Variants in WWOX observed in about 807,000 individuals in gnomAD.
The protein encoded by WWOX is WW domain containing oxidoreductase, also known as WW domain-containing oxidoreductase.
In WWOX, 69 loss-of-function variants were observed where a neutral mutation model predicts 46.2. The observed-to-expected ratio is 1.49, with a 90% CI of 1.23 to 1.82. The LOEUF is 1.82. Ranked by LOEUF, WWOX falls within the 40% of genes most tolerant of loss-of-function variation. The pLI, the probability that WWOX is intolerant of heterozygous loss-of-function variation, is 0.00. For synonymous variants in WWOX, 359 were observed against 202.6 expected, an observed-to-expected ratio of 1.77 and a Z score of -6.56; for missense variants, 919 against 542.6, an observed-to-expected ratio of 1.69 and a Z score of -6.89.
At chr16:78,717,424 G>C (rs1000198115) in intron 8 of WWOX, among the ~76,000 whole-genome samples, 2 of 152,130 alleles carry the variant, frequency 1.3e-5, no homozygotes, top group African/African-American at 4.8e-5. Context: ...TCCTTATCTT[G>C]TTCATTGCTA....
At chr16:78,962,719 A>G (rs2046294291) in intron 8 of WWOX, among the ~76,000 whole-genome samples, 1 of 152,184 alleles carries the variant, frequency 6.6e-6, no homozygotes, top group African/African-American at 2.4e-5. Flanking sequence ...ATACTTATTT[A>G]TACAACTGTG....
chr16:78,604,759 CCCCCCTCCCT>C (rs1374928917), intron 8 of WWOX, among the ~76,000 whole-genome samples: 7 of 1,472 alleles, frequency 4.8e-3, no homozygotes, highest in Non-Finnish European at 5.9e-3. Context: ...CTCCCTCCTT[CCCCCCTCCCT>C]CCTTCCCCCC....
chr16:78,695,091 C>G (rs1005337329), intron 8 of WWOX, among the ~76,000 whole-genome samples: 3 of 152,292 alleles, frequency 2.0e-5, no homozygotes, highest in South Asian at 2.1e-4. Flanking sequence ...CTGCTACTTT[C>G]ATTTACCATG....
chr16:78,839,819 T>G (rs1348153582), intron 8 of WWOX, among the ~76,000 whole-genome samples: 1 of 152,194 alleles, frequency 6.6e-6, no homozygotes, highest in Non-Finnish European at 1.5e-5. Context: ...TAAAACCGTC[T>G]CATCATCGTC....
intron 8 of WWOX, among the ~76,000 whole-genome samples, chr16:79,066,268 C>T (rs2048439641): frequency 6.6e-6 from 1 of 152,174 alleles, no homozygotes; most frequent in Non-Finnish European, 1.5e-5. Context: ...TGGTTATCCT[C>T]AGTCATGAGG....
In WWOX at chr16:78,225,125, G is replaced by A. The variant is rs952265426; in HGVS notation, c.516+60836G>A. ...TGAAGATCATAGAGTGTATTTACAC[G>A]AGCCTAGATGGATAGCCTACTACAC... On this transcript the variant is annotated intron_variant, in intron 5 of 8. Transcript: ENST00000566780. Among the ~76,000 whole-genome samples, 31 of 152,132 alleles carry A rather than the reference G, an allele frequency of 2.0e-4. 1 individual carries two copies. The highest frequency in any genetic ancestry group is 1.9e-3 in the Admixed American group (29 of 15,272).
chr16:78,744,524 T>A (rs1348571859), intron 8 of WWOX, among the ~76,000 whole-genome samples: 1 of 146,276 alleles, frequency 6.8e-6, no homozygotes, highest in East Asian at 2.1e-4. Context: ...ATCTGCCTCC[T>A]GGGTTCAAGC....
chr16:78,861,335 C>T (rs1165453139), intron 8 of WWOX, among the ~76,000 whole-genome samples: 1 of 152,220 alleles, frequency 6.6e-6, no homozygotes, highest in Non-Finnish European at 1.5e-5. Flanking sequence ...AACTTATTCA[C>T]ACTGGCTTTA....
At chr16:78,705,107 G>A (rs1326179805) in intron 8 of WWOX, among the ~76,000 whole-genome samples, 3 of 152,078 alleles carry the variant, frequency 2.0e-5, no homozygotes, top group African/African-American at 7.2e-5. Flanking sequence ...TTTTAGTGCC[G>A]CAGTGTTTTC....
intron 5 of WWOX, among the ~76,000 whole-genome samples, chr16:78,381,981 G>A (rs963820073): frequency 2.6e-5 from 4 of 152,076 alleles, no homozygotes; most frequent in African/African-American, 4.8e-5. Flanking sequence ...TCTTCCTGCC[G>A]CAGCCTCCTG....
At chr16:78,144,959 T>C (rs1243106783) in intron 4 of WWOX, among the ~76,000 whole-genome samples, 2 of 152,202 alleles carry the variant, frequency 1.3e-5, no homozygotes, top group East Asian at 3.9e-4. Context: ...GAGTACATCT[T>C]ATTATTCCCC....
chr16:78,928,303 C>G (rs188403072), intron 8 of WWOX, among the ~76,000 whole-genome samples: 1 of 150,612 alleles, frequency 6.6e-6, no homozygotes, highest in African/African-American at 2.4e-5. Context: ...CCCGGGTTCA[C>G]GCCATTCTCC....
At chr16:78,836,048 T>C (rs2051973500) in intron 8 of WWOX, among the ~76,000 whole-genome samples, 1 of 152,230 alleles carries the variant, frequency 6.6e-6, no homozygotes, top group African/African-American at 2.4e-5. Context: ...ACATGAAAAT[T>C]GTGTATTCAC....
intron 8 of WWOX, among the ~76,000 whole-genome samples, chr16:78,482,237 T>A (rs942860585): frequency 6.6e-6 from 1 of 152,094 alleles, no homozygotes; most frequent in African/African-American, 2.4e-5. Flanking sequence ...ACTCCATAAT[T>A]TTTTTTATTA....
At chr16:79,154,384 C>G (rs750871198) in intron 8 of WWOX, among the ~76,000 whole-genome samples, 15 of 151,932 alleles carry the variant, frequency 9.9e-5, no homozygotes, top group African/African-American at 1.2e-4. Flanking sequence ...TGATTCCTGT[C>G]TCCTCTTCTT....
chr16:78,733,777 C>A (rs9922567), intron 8 of WWOX, among the ~76,000 whole-genome samples: 5 of 151,192 alleles, frequency 3.3e-5, no homozygotes, highest in Non-Finnish European at 7.4e-5. Context: ...AATAAAATAA[C>A]TAACTAGGCT....
intron 5 of WWOX, among the ~76,000 whole-genome samples, chr16:78,233,524 ATTTTT>A (rs36007148): frequency 1.6e-5 from 2 of 126,006 alleles, no homozygotes; most frequent in Non-Finnish European, 1.6e-5. Context: ...TGATGATTAA[ATTTTT>A]TTTTTTTTTT....
intron 8 of WWOX, among the ~76,000 whole-genome samples, chr16:79,079,409 C>T (rs1375367413): frequency 6.6e-6 from 1 of 152,206 alleles, no homozygotes; most frequent in African/African-American, 2.4e-5. Context: ...ATCCGGTATC[C>T]ATTCATCCAT....
At chr16:78,636,894 A>G (rs1192146696) in intron 8 of WWOX, among the ~76,000 whole-genome samples, 2 of 152,166 alleles carry the variant, frequency 1.3e-5, no homozygotes, top group Non-Finnish European at 2.9e-5. Context: ...TTAAGGACCA[A>G]TCTGAGGGCC....
Sources: gnomAD v4.1 joint callset for allele counts (sites outside exome capture counted in the v4.1 genomes callset) on GRCh38, gnomAD v4.1.1 for gene constraint, MANE v1.5 for transcripts, NCBI Gene and HGNC (gene_info 2026-07-23, HGNC 2026-07-21) for gene names.